Variants in ARL17B observed in about 807,000 individuals in gnomAD.
ARL17B encodes ARF like GTPase 17B.
chr17:46,274,581 C>A (rs1371514049), downstream of ARL17B, among the ~76,000 whole-genome samples: 5 of 152,212 alleles, frequency 3.3e-5, no homozygotes, highest in African/African-American at 4.8e-5. Flanking sequence ...TTATATGTAA[C>A]CGTGGCTGGA....
intron 4 of ARL17B, among the ~76,000 whole-genome samples, chr17:46,290,307 G>C (rs1368243671): frequency 1.3e-5 from 2 of 151,998 alleles, no homozygotes; most frequent in East Asian, 3.9e-4. Context: ...ATTCCTTTTT[G>C]TAGAAACAGG....
intron 2 of ARL17B, among the ~76,000 whole-genome samples, chr17:46,354,946 AG>A: frequency 4.8e-5 from 1 of 21,014 alleles, no homozygotes; most frequent in Admixed American, 4.4e-4. Context: ...CATCCAAGAA[AG>A]AAAAGAAAGA....
intron 3 of ARL17B, among the ~76,000 whole-genome samples, chr17:46,352,132 G>C (rs1273398444): frequency 6.9e-6 from 1 of 144,544 alleles, no homozygotes; most frequent in Non-Finnish European, 1.5e-5. Flanking sequence ...CTACTCAGGA[G>C]GCTGAGGCAG....
chr17:46,279,145 T>C (rs1252366747), intron 4 of ARL17B, among the ~76,000 whole-genome samples: 2 of 152,084 alleles, frequency 1.3e-5, no homozygotes, highest in Non-Finnish European at 2.9e-5. Flanking sequence ...TTTTTCTCTA[T>C]ACCACCTAGT....
At chr17:46,306,044 C>A (rs1158062269) in intron 3 of ARL17B, among the ~76,000 whole-genome samples, 2 of 81,766 alleles carry the variant, frequency 2.4e-5, no homozygotes, top group East Asian at 2.4e-4. Flanking sequence ...TGTTTTGTAT[C>A]TAATGCACCA....
chr17:46,298,576 TAGTC>T (rs1290376387), downstream of ARL17B, among the ~76,000 whole-genome samples: 9 of 24,540 alleles, frequency 3.7e-4, no homozygotes, highest in Admixed American at 1.5e-3. Context: ...AGAAAAAAAT[TAGTC>T]AGGCATGGTG....
At chr17:46,282,548 G>T (rs1474703015) in intron 4 of ARL17B, among the ~76,000 whole-genome samples, 3 of 151,766 alleles carry the variant, frequency 2.0e-5, no homozygotes, top group African/African-American at 7.3e-5. Context: ...CCAAGTAGCT[G>T]GGACTATAGG....
Position 46,312,210 on chromosome 17 carries a change from C to A in ARL17B, c.260-12545G>T, listed in dbSNP as rs2050833408. ...AGTCTCTCCATGGCCCAGGCACAAC[C>A]TTAGTCAAGAAAAGAATGCCTTAGA... is the stretch of plus-strand genomic sequence containing the variant. On this transcript the variant is annotated intron_variant, in intron 3 of 4. Coordinates refer to the ARL17B transcript ENST00000434041. 1.0e-4 allele frequency among the ~76,000 whole-genome samples: 2 copies of A among 19,820 alleles called. 1 individual carries two copies. Among genetic ancestry groups the A allele is most frequent in the African/African-American group, 1.4e-4 (2 of 14,446 alleles). The allele number at this position is 19,820 out of a possible 152,430, so 13.0% of individuals were successfully genotyped here.
At chr17:46,277,164 T>A (rs2261200) in intron 4 of ARL17B, among the ~76,000 whole-genome samples, 18,433 of 152,164 alleles carry the variant, frequency 0.12, no homozygotes, top group Non-Finnish European at 0.18. Flanking sequence ...ATGTGCTTTA[T>A]TGAAAATTAT....
chr17:46,279,797 C>T (rs1383345776), intron 4 of ARL17B, among the ~76,000 whole-genome samples: 2 of 152,224 alleles, frequency 1.3e-5, no homozygotes, highest in African/African-American at 4.8e-5. Context: ...TCCCAGCCAA[C>T]AGGCCCTCCT....
At chr17:46,330,964 C>T (rs375082199), downstream of ARL17B, 9 of 724,840 alleles carry the variant, frequency 1.2e-5, 1 homozygote, top group African/African-American at 1.3e-4. Flanking sequence ...TAGCGGGAAA[C>T]GCCGTCTACA....
rs1363837878 is a variant in ARL17B, at chr17:46,323,296, A to G, written c.260-23631T>C. ...CCACCATCAGCCCCTGTTAGCTACTAATCTGATTTCTGTTCCTATACTTTT... is the reference window on the plus strand; with the variant it reads ...CCACCATCAGCCCCTGTTAGCTACTGATCTGATTTCTGTTCCTATACTTTT... On this transcript the variant is annotated intron_variant, in intron 3 of 4. Coordinates refer to the ARL17B transcript ENST00000434041. Among the ~76,000 whole-genome samples the G allele has an allele frequency of 3.5e-5, 2 of 56,898 alleles. 1 individual carries two copies. The highest frequency in any genetic ancestry group is 8.3e-5 in the Non-Finnish European group (2 of 24,100). 37.3% of individuals were successfully genotyped at this position (56,898 alleles called of 152,430 possible). A position where few individuals can be genotyped will look rare whatever the true frequency, so the allele number is the denominator to read the frequency against.
At chr17:46,285,241 CT>C (rs56201620) in intron 4 of ARL17B, among the ~76,000 whole-genome samples, 20,975 of 138,286 alleles carry the variant, frequency 0.15, 1,649 homozygotes, top group Middle Eastern at 0.24. Context: ...CTTTTCTTTC[CT>C]TTTTTTTTTT....
intron 4 of ARL17B, among the ~76,000 whole-genome samples, chr17:46,284,331 T>C (rs147047792): frequency 0.087 from 13,123 of 150,420 alleles, 763 homozygotes; most frequent in East Asian, 0.28. Context: ...GGAGTGGTGA[T>C]GACTCTTAAG....
intron 3 of ARL17B, among the ~76,000 whole-genome samples, chr17:46,305,035 A>AT (rs1183070261): frequency 0.016 from 1,024 of 63,194 alleles, 37 homozygotes; most frequent in African/African-American, 0.028. Flanking sequence ...GGCCCGGCTA[A>AT]TTTTTTTTTT....
At chr17:46,275,762 TGTGTTTATTTACAC>T (rs1292505566) in intron 4 of ARL17B, among the ~76,000 whole-genome samples, 1 of 152,260 alleles carries the variant, frequency 6.6e-6, no homozygotes, top group Non-Finnish European at 1.5e-5. Flanking sequence ...TGTGTATGTG[TGTGTTTATTTACAC>T]GGATGAGGGG....
chr17:46,307,932 A>C lies in ARL17B; in HGVS notation c.260-8267T>G, dbSNP rs1486246407. On this transcript the variant is annotated intron_variant, in intron 3 of 4. Coordinates refer to the ARL17B transcript ENST00000434041. ...GAGGCTGAGGCAGGAGAATCACTTG[A>C]AACCAGGAGGCGGAGGTTGCAGTGA... Among the ~76,000 whole-genome samples the C allele has an allele frequency of 2.7e-5, 2 of 75,440 alleles. 1 individual carries two copies. Among genetic ancestry groups the C allele is most frequent in the East Asian group, 5.1e-4 (2 of 3,924 alleles). The allele number at this position is 75,440 out of a possible 152,430, so 49.5% of individuals were successfully genotyped here.
rs1172501707 is a variant in ARL17B at position 46,314,845 on chromosome 17, C to T, written c.260-15180G>A. ...TAGTTTGGATACCAGGTTAATATCA[C>T]CCTCATAGAATAAGTTAGGAAATGT... On this transcript the variant is annotated intron_variant, in intron 3 of 4. Coordinates refer to the ARL17B transcript ENST00000434041. 4.9e-5 allele frequency among the ~76,000 whole-genome samples: 4 copies of T among 81,460 alleles called. 2 individuals are homozygous for T. The highest frequency in any genetic ancestry group is 1.5e-4 in the Non-Finnish European group (4 of 26,842). The allele number at this position is 81,460 out of a possible 152,430, so 53.4% of individuals were successfully genotyped here. A position where few individuals can be genotyped will look rare whatever the true frequency, so the allele number is the denominator to read the frequency against.
chr17:46,285,886 G>A (rs2049894045), intron 4 of ARL17B, among the ~76,000 whole-genome samples: 1 of 152,248 alleles, frequency 6.6e-6, no homozygotes, highest in East Asian at 1.9e-4. Context: ...GCTGCACACA[G>A]AGGGGCTCTC....
Sources: allele counts gnomAD v4.1 joint callset (sites outside exome capture counted in the v4.1 genomes callset), GRCh38; gene constraint gnomAD v4.1.1; transcripts MANE v1.5; gene names NCBI Gene and HGNC (gene_info 2026-07-23, HGNC 2026-07-21).